The following KCNH1 variants were observed in gnomAD, a reference collection of about 807,000 sequenced individuals.
KCNH1 encodes the protein potassium voltage-gated channel subfamily H member 1.
KCNH1 carries 27 observed loss-of-function variants against 69.2 expected under a neutral mutation model. That is an observed-to-expected ratio of 0.39 (90% confidence interval 0.29 to 0.54). The LOEUF (loss-of-function observed/expected upper bound fraction) is 0.54, where lower values mean the gene tolerates loss of function less well. KCNH1 is among the 20% of genes least tolerant of loss of function. KCNH1 has a pLI of 0.68. For missense variants in KCNH1, 798 were observed against 1,261.6 expected (o/e 0.63, Z 5.57); for synonymous variants, 456 against 487.7 (o/e 0.93, Z 0.86).
intron 7 of KCNH1, among the ~76,000 whole-genome samples, chr1:210,864,090 A>C (rs1317661455): frequency 6.6e-6 from 1 of 152,206 alleles, no homozygotes; most frequent in Non-Finnish European, 1.5e-5. Context: ...TTTACAGGAA[A>C]CATGCAGAGG....
At chr1:211,047,939 A>G (rs1690122531) in intron 5 of KCNH1, among the ~76,000 whole-genome samples, 1 of 152,156 alleles carries the variant, frequency 6.6e-6, no homozygotes, top group African/African-American at 2.4e-5. Context: ...TGGCCAACAA[A>G]CATATGAAAA....
At chr1:210,844,908 C>T (rs1034006993) in intron 7 of KCNH1, among the ~76,000 whole-genome samples, 1 of 152,124 alleles carries the variant, frequency 6.6e-6, no homozygotes, top group Non-Finnish European at 1.5e-5. Context: ...CACCACTGAT[C>T]CCACAGAAAT....
intron 5 of KCNH1, among the ~76,000 whole-genome samples, chr1:211,051,787 C>T (rs1045096774): frequency 6.6e-6 from 1 of 152,150 alleles, no homozygotes; most frequent in Non-Finnish European, 1.5e-5. Flanking sequence ...CAAATCCTCA[C>T]AACAATCTCT....
chr1:210,917,463 G>A (rs753916479), intron 7 of KCNH1, among the ~76,000 whole-genome samples: 13 of 151,962 alleles, frequency 8.6e-5, no homozygotes, highest in Non-Finnish European at 1.6e-4. Context: ...TTCCATAGAC[G>A]ACTCATTTTG....
intron 7 of KCNH1, among the ~76,000 whole-genome samples, chr1:210,904,583 T>G (rs1354001565): frequency 6.6e-6 from 1 of 152,186 alleles, no homozygotes; most frequent in Non-Finnish European, 1.5e-5. Flanking sequence ...GCCACCTTCT[T>G]GCACTTCATG....
intron 5 of KCNH1, among the ~76,000 whole-genome samples, chr1:211,047,120 T>C (rs1690106079): frequency 6.6e-6 from 1 of 152,220 alleles, no homozygotes; most frequent in Admixed American, 6.5e-5. Flanking sequence ...AAATCTGATA[T>C]GCATTTCACA....
intron 7 of KCNH1, among the ~76,000 whole-genome samples, chr1:210,873,778 T>C (rs989358227): frequency 3.3e-5 from 5 of 152,106 alleles, no homozygotes; most frequent in Admixed American, 2.0e-4. Context: ...TAAATAATCA[T>C]AGGGAGATTT....
At chr1:210,753,057 C>G (rs1683314320) in intron 10 of KCNH1, among the ~76,000 whole-genome samples, 1 of 152,174 alleles carries the variant, frequency 6.6e-6, no homozygotes, top group Admixed American at 6.5e-5. Context: ...GTGTTCTCCC[C>G]TATAGCCTTC....
chr1:210,854,092 G>A (rs11119620), intron 7 of KCNH1, among the ~76,000 whole-genome samples: 35,793 of 151,768 alleles, frequency 0.24, 4,365 homozygotes, highest in African/African-American at 0.31. Flanking sequence ...TATTTATAAT[G>A]CTATGTTAAG....
At chr1:210,735,820 CAG>C (rs886917658) in intron 10 of KCNH1, among the ~76,000 whole-genome samples, 7,134 of 67,936 alleles carry the variant, frequency 0.11, 384 homozygotes, top group East Asian at 0.31. Flanking sequence ...CACACACACA[CAG>C]AGAGAGAGAG....
chr1:210,770,828 G>A (rs1683739425), intron 10 of KCNH1, among the ~76,000 whole-genome samples: 2 of 152,182 alleles, frequency 1.3e-5, no homozygotes, highest in Admixed American at 1.3e-4. Flanking sequence ...TGCCAATATG[G>A]GAACAGCTGA....
chr1:210,797,793 T>C, intron 8 of KCNH1, 33 bp from the exon 9 acceptor site: 1 of 1,591,542 alleles, frequency 6.3e-7, no homozygotes. Context: ...AGTGTGAGGG[T>C]CCTCACTGTG....
chr1:210,803,981 T>C lies in KCNH1; in HGVS notation c.1648A>G (p.Ile550Val), dbSNP rs1459349875. The C allele has an allele frequency of 1.2e-6, 2 of 1,613,998 alleles. No individual in the cohort carries two copies. ...ATCCTCCTTACCTTCTCTGTGTCAA[T>C]GCCTCTGGACATGGACCAAGTGGAC... ...IVSTWSMSRG[I>V]DTEKVLQICP... Residue 550 changes from isoleucine to valine, a missense_variant, in exon 8 of 11, where the codon ATT (isoleucine) becomes GTT (valine). By Grantham distance (29) the Ile-to-Val change is conservative (BLOSUM62 3). This residue lies in a region of KCNH1 where 197 missense variants were observed against 407.7 expected (regional missense o/e 0.48). Coordinates refer to ENST00000271751, the MANE Select transcript of KCNH1 (RefSeq NM_172362.3).
chr1:210,868,873 T>C (rs1476009036), intron 7 of KCNH1, among the ~76,000 whole-genome samples: 3 of 152,268 alleles, frequency 2.0e-5, no homozygotes, highest in East Asian at 1.9e-4. Context: ...CCATGTATGA[T>C]GTTTTTCCTT....
At chr1:211,029,722 G>A (rs184290843) in intron 5 of KCNH1, among the ~76,000 whole-genome samples, 111 of 152,082 alleles carry the variant, frequency 7.3e-4, no homozygotes, top group African/African-American at 2.5e-3. Context: ...GAAATAAATG[G>A]CATCCAGATC....
At chr1:210,813,757 C>CT (rs1684757460) in intron 7 of KCNH1, among the ~76,000 whole-genome samples, 1 of 152,172 alleles carries the variant, frequency 6.6e-6, no homozygotes, top group South Asian at 2.1e-4. Context: ...TGGCTGTGTC[C>CT]TCACCCAAAT....
At chr1:210,913,821 A>G (rs1258346367) in intron 7 of KCNH1, among the ~76,000 whole-genome samples, 1 of 152,178 alleles carries the variant, frequency 6.6e-6, no homozygotes, top group Non-Finnish European at 1.5e-5. Context: ...CAGAATAAAT[A>G]CTATATTTCT....
intron 5 of KCNH1, among the ~76,000 whole-genome samples, chr1:211,069,639 C>T (rs1170060477): frequency 6.6e-6 from 1 of 152,064 alleles, no homozygotes; most frequent in East Asian, 1.9e-4. Context: ...AGGAAAGAAT[C>T]TCTGTGCTTG....
intron 7 of KCNH1, among the ~76,000 whole-genome samples, chr1:210,848,659 A>G (rs1175944266): frequency 6.6e-6 from 1 of 152,218 alleles, no homozygotes; most frequent in African/African-American, 2.4e-5. Flanking sequence ...GTTGGTCAAG[A>G]TAGAATCTTG....
Sources: gnomAD v4.1 joint callset for allele counts (sites outside exome capture counted in the v4.1 genomes callset) on GRCh38, gnomAD v4.1.1 for gene constraint, gnomAD v4.1.1 regional missense constraint, MANE v1.5 for transcripts, NCBI Gene and HGNC (gene_info 2026-07-23, HGNC 2026-07-21) for gene names.